Variants in CADPS2 observed in about 807,000 individuals in gnomAD.
CADPS2 encodes calcium-dependent secretion activator 2.
In CADPS2, 93 loss-of-function variants were observed where a neutral mutation model predicts 172.5. The ratio of observed to expected loss-of-function variants is 0.54; its 90% confidence interval spans 0.46 to 0.64. The LOEUF (loss-of-function observed/expected upper bound fraction) is 0.64. Ranked by LOEUF, CADPS2 falls within the 30% of genes least tolerant of loss-of-function variation. The pLI is 0.00. For missense variants in CADPS2, 1,420 were observed against 1,565.9 expected, an observed-to-expected ratio of 0.91 and a Z score of 1.57; for synonymous variants, 546 against 555.2, an observed-to-expected ratio of 0.98 and a Z score of 0.23.
At chr7:122,828,638 C>T (rs1227622095) in intron 1 of CADPS2, among the ~76,000 whole-genome samples, 1 of 152,122 alleles carries the variant, frequency 6.6e-6, no homozygotes, top group African/African-American at 2.4e-5. Context: ...CTGTTCCTTC[C>T]TTCTTCCTGG....
chr7:122,646,894 A>G (rs983671473), intron 3 of CADPS2, among the ~76,000 whole-genome samples: 9 of 152,162 alleles, frequency 5.9e-5, no homozygotes, highest in Non-Finnish European at 8.8e-5. Flanking sequence ...TTGCTATGAA[A>G]TAAGACAAGA....
chr7:122,703,482 G>C (rs905380417), intron 2 of CADPS2, among the ~76,000 whole-genome samples: 1 of 152,112 alleles, frequency 6.6e-6, no homozygotes, highest in Non-Finnish European at 1.5e-5. Flanking sequence ...CCAACACTAA[G>C]AAAACAGTGT....
chr7:122,810,533 CT>C (rs1290496391), intron 1 of CADPS2, among the ~76,000 whole-genome samples: 1 of 152,138 alleles, frequency 6.6e-6, no homozygotes, highest in Non-Finnish European at 1.5e-5. Context: ...ACCTTAAGTC[CT>C]TAAGTCCTAT....
chr7:122,725,924 C>T (rs866049613), intron 2 of CADPS2, among the ~76,000 whole-genome samples: 1 of 151,898 alleles, frequency 6.6e-6, no homozygotes, highest in African/African-American at 2.4e-5. Context: ...TAGCAGATAC[C>T]TATTTACAAG....
intron 8 of CADPS2, among the ~76,000 whole-genome samples, chr7:122,547,751 G>A (rs2063770574): frequency 6.6e-6 from 1 of 152,122 alleles, no homozygotes; most frequent in Non-Finnish European, 1.5e-5. Flanking sequence ...AATGAAGCCA[G>A]TTAAAAGTAG....
At chr7:122,868,052 C>T (rs754093449) in intron 1 of CADPS2, among the ~76,000 whole-genome samples, 2 of 152,004 alleles carry the variant, frequency 1.3e-5, no homozygotes, top group Non-Finnish European at 2.9e-5. Flanking sequence ...CCAGAGTGAG[C>T]ACTTCTTGAT....
At position 122,740,669 on chromosome 7, in the gene CADPS2, T is replaced by C. The variant is rs2092418787; in HGVS notation, c.340-3601A>G. ...CTCTATTAAAAATACTGAAATGTCA[T>C]CAATTTATTTGCATTAAAAATAAAT... On this transcript the variant is annotated intron_variant, in intron 1 of 29. Coordinates refer to ENST00000449022, the MANE Select transcript of CADPS2 (RefSeq NM_017954.11). Among the ~76,000 whole-genome samples the C allele has an allele frequency of 3.9e-5, 6 of 152,210 alleles. No homozygotes were observed. The South Asian group carries it at 1.2e-3, about 32-fold the overall frequency.
intron 8 of CADPS2, among the ~76,000 whole-genome samples, chr7:122,521,563 A>G (rs2060799434): frequency 1.3e-5 from 2 of 152,098 alleles, no homozygotes; most frequent in African/African-American, 4.8e-5. Context: ...TAAGAAACTT[A>G]GAAGTAAATA....
At chr7:122,742,161 C>A (rs779483566) in intron 1 of CADPS2, among the ~76,000 whole-genome samples, 6 of 152,014 alleles carry the variant, frequency 3.9e-5, no homozygotes, top group Non-Finnish European at 8.8e-5. Context: ...GAGGTCAAGG[C>A]AGGCGGATCA....
chr7:122,758,744 A>G (rs191418773), intron 1 of CADPS2, among the ~76,000 whole-genome samples: 1 of 152,282 alleles, frequency 6.6e-6, no homozygotes, highest in African/African-American at 2.4e-5. Flanking sequence ...TCAGAATTAG[A>G]AAGTACTGGG....
chr7:122,429,882 T>G (rs371593653), intron 17 of CADPS2, among the ~76,000 whole-genome samples: 1 of 121,888 alleles, frequency 8.2e-6, no homozygotes, highest in East Asian at 2.0e-4. Context: ...ACTGTGCAGT[T>G]TTTTTTTTTA....
chr7:122,724,184 T>C (rs1436605578), intron 2 of CADPS2, among the ~76,000 whole-genome samples: 1 of 151,410 alleles, frequency 6.6e-6, no homozygotes, highest in Admixed American at 6.6e-5. Flanking sequence ...TAATAATAAT[T>C]GAAAAATTAA....
intron 25 of CADPS2, among the ~76,000 whole-genome samples, chr7:122,361,295 G>A (rs371904992): frequency 8.9e-5 from 13 of 145,946 alleles, no homozygotes; most frequent in African/African-American, 2.8e-4. Flanking sequence ...GTGCAGTGGC[G>A]TGATCTTGGC....
intron 2 of CADPS2, chr7:122,698,031 G>T: frequency 6.2e-7 from 1 of 1,613,530 alleles, no homozygotes; most frequent in Non-Finnish European, 8.5e-7. Context: ...TATCACATTT[G>T]CAAATGGGGC....
intron 1 of CADPS2, among the ~76,000 whole-genome samples, chr7:122,807,780 T>C (rs901938126): frequency 1.3e-4 from 20 of 151,982 alleles, no homozygotes; most frequent in Non-Finnish European, 2.9e-4. Context: ...ATGGGGGGCA[T>C]TGGGGGAAGG....
chr7:122,597,738 T>G (rs2072074520), intron 6 of CADPS2, among the ~76,000 whole-genome samples: 1 of 152,126 alleles, frequency 6.6e-6, no homozygotes, highest in East Asian at 1.9e-4. Context: ...TCCCCTGTAA[T>G]AACTCACAAA....
chr7:122,870,118 T>C (rs1365612801), intron 1 of CADPS2, among the ~76,000 whole-genome samples: 1 of 151,608 alleles, frequency 6.6e-6, no homozygotes, highest in Non-Finnish European at 1.5e-5. Flanking sequence ...ACTTTGAAAA[T>C]AAATGGGTTA....
chr7:122,457,377 C>T (rs1316505899), intron 14 of CADPS2, among the ~76,000 whole-genome samples: 1 of 152,100 alleles, frequency 6.6e-6, no homozygotes, highest in Non-Finnish European at 1.5e-5. Context: ...GTTTGTAACA[C>T]CAATAAAAAC....
intron 1 of CADPS2, among the ~76,000 whole-genome samples, chr7:122,787,214 G>A (rs1794253347): frequency 6.6e-6 from 1 of 152,106 alleles, no homozygotes; most frequent in Non-Finnish European, 1.5e-5. Flanking sequence ...GTTTTATAAA[G>A]TGCCTCTATA....
Sources: gnomAD v4.1 joint callset for allele counts (sites outside exome capture counted in the v4.1 genomes callset) on GRCh38, gnomAD v4.1.1 for gene constraint, MANE v1.5 for transcripts, NCBI Gene and HGNC (gene_info 2026-07-23, HGNC 2026-07-21) for gene names.